NPAS2: variants seen among roughly 807,000 people sequenced by gnomAD.
NPAS2 encodes the protein neuronal PAS domain-containing protein 2.
Under a neutral mutation model 107.5 loss-of-function variants are expected in NPAS2, and 23 were observed. The ratio of observed to expected loss-of-function variants is 0.21; its 90% CI spans 0.15 to 0.30. The LOEUF (loss-of-function observed/expected upper bound fraction) is 0.30, where lower values mean the gene tolerates loss of function less well. Among genes scored for constraint, NPAS2 ranks in the 10% least tolerant of loss-of-function variants. The pLI is 1.00. For synonymous variants in NPAS2, 403 were observed against 417.5 expected, an observed-to-expected ratio of 0.97 and a Z score of 0.42; for missense variants, 756 against 1,043.3, an observed-to-expected ratio of 0.72 and a Z score of 3.79.
rs571935226 is a variant in NPAS2 at position 100,976,135 on chromosome 2, T to C, written c.1392+568T>C. On this transcript the variant is annotated intron_variant, in intron 14 of 20. Coordinates refer to ENST00000335681, the MANE Select transcript of NPAS2 (RefSeq NM_002518.4). This position sits in a 1 kb window ranked among gnomAD's most constrained non-coding sequence, Gnocchi z 4.1. Reference sequence around the variant, plus strand: ...ATGTATGAAGTTCATGGAGTCTGGGTCAGGAATTCAGAAAGGGCATCATGG... The same window carrying C: ...ATGTATGAAGTTCATGGAGTCTGGGCCAGGAATTCAGAAAGGGCATCATGG... 6.6e-6 allele frequency among the ~76,000 whole-genome samples: 1 copy of C among 151,784 alleles called. No homozygotes were observed. The highest frequency in any genetic ancestry group is 1.5e-5 in the Non-Finnish European group (1 of 67,950).
intron 1 of NPAS2, among the ~76,000 whole-genome samples, chr2:100,841,783 T>TAC (rs1300454465): frequency 6.6e-6 from 1 of 152,084 alleles, no homozygotes; most frequent in African/African-American, 2.4e-5. Context: ...CACATATGCA[T>TAC]ACACACACGC....
intron 1 of NPAS2, among the ~76,000 whole-genome samples, chr2:100,897,565 T>A (rs1681491494): frequency 6.6e-6 from 1 of 152,112 alleles, no homozygotes; most frequent in South Asian, 2.1e-4. Flanking sequence ...TTCCTTGCTG[T>A]CTGGGGGAGG....
chr2:100,974,988 AC>A, intron 13 of NPAS2, 44 bp downstream of exon 13: 1 of 1,604,858 alleles, frequency 6.2e-7, no homozygotes, highest in African/African-American at 1.3e-5. Flanking sequence ...TCCACATCAG[AC>A]CAGAGGGACA....
At chr2:100,852,415 A>G (rs894680154) in intron 1 of NPAS2, among the ~76,000 whole-genome samples, 9 of 152,064 alleles carry the variant, frequency 5.9e-5, no homozygotes, top group Admixed American at 5.2e-4. Flanking sequence ...TAAAAATAAA[A>G]ATAAAAAAAG....
chr2:100,908,353 C>T (rs1296438746), intron 2 of NPAS2, among the ~76,000 whole-genome samples: 1 of 152,114 alleles, frequency 6.6e-6, no homozygotes, highest in African/African-American at 2.4e-5. Context: ...AGTAATTCTC[C>T]AAGCCTTACA....
At chr2:100,852,568 A>G (rs1195083323) in intron 1 of NPAS2, among the ~76,000 whole-genome samples, 2 of 152,136 alleles carry the variant, frequency 1.3e-5, no homozygotes, top group East Asian at 3.9e-4. Flanking sequence ...CTAGCACAGC[A>G]TACCCCATTT....
intron 1 of NPAS2, among the ~76,000 whole-genome samples, chr2:100,879,460 T>C (rs1299886554): frequency 6.6e-6 from 1 of 152,180 alleles, no homozygotes; most frequent in East Asian, 1.9e-4. Context: ...ACCTGCTACT[T>C]TGTATCCTTT....
chr2:100,936,880 A>G (rs555946799), intron 4 of NPAS2, among the ~76,000 whole-genome samples: 10 of 150,654 alleles, frequency 6.6e-5, no homozygotes, highest in Middle Eastern at 3.5e-3. Context: ...TACTCGGGAC[A>G]CTGAAGCAGG....
At chr2:100,978,410 T>G (rs1677170927) in intron 15 of NPAS2, among the ~76,000 whole-genome samples, 1 of 152,080 alleles carries the variant, frequency 6.6e-6, no homozygotes, top group Non-Finnish European at 1.5e-5. Flanking sequence ...TCTTTACGAC[T>G]CCAAATTGGC....
At chr2:100,948,055 C>T (rs1675010076) in intron 5 of NPAS2, among the ~76,000 whole-genome samples, 180 bp from the exon 6 acceptor site, 1 of 152,202 alleles carries the variant, frequency 6.6e-6, no homozygotes, top group Admixed American at 6.5e-5. Context: ...CAAATACAGC[C>T]CTTTAGGTTA....
intron 5 of NPAS2, among the ~76,000 whole-genome samples, chr2:100,946,066 G>A (rs147878381): frequency 1.3e-5 from 2 of 152,346 alleles, no homozygotes; most frequent in African/African-American, 2.4e-5. Flanking sequence ...ACAGGAAAAC[G>A]TTACTGTGGT....
At chr2:100,906,040 T>C (rs1319445520) in intron 2 of NPAS2, among the ~76,000 whole-genome samples, 2 of 152,194 alleles carry the variant, frequency 1.3e-5, no homozygotes, top group African/African-American at 2.4e-5. Flanking sequence ...CAGAACAGCC[T>C]TCATCCCAGG....
At chr2:100,931,121 G>A (rs1018208218) in intron 3 of NPAS2, among the ~76,000 whole-genome samples, 1 of 152,174 alleles carries the variant, frequency 6.6e-6, no homozygotes, top group Non-Finnish European at 1.5e-5. Context: ...ACCTGCCTCT[G>A]CTTCCCATGC....
rs549895297 is a variant in NPAS2 at position 100,976,515 on chromosome 2, C to T, written c.1392+948C>T. Among the ~76,000 whole-genome samples the T allele has an allele frequency of 5.3e-5, 8 of 152,188 alleles. No homozygotes were observed. Among genetic ancestry groups the T allele is most frequent in the East Asian group, 1.9e-4 (1 of 5,160 alleles). On this transcript the variant is annotated intron_variant, in intron 14 of 20. Coordinates refer to ENST00000335681, the MANE Select transcript of NPAS2 (RefSeq NM_002518.4). This position sits in a 1 kb window ranked among gnomAD's most constrained non-coding sequence, Gnocchi z 4.1. Reference sequence around the variant, plus strand: ...AGGGATATAGACCTCCACTTCTAGACGGGAGAAGTACCCAGGAATTTTAGG... The same window carrying T: ...AGGGATATAGACCTCCACTTCTAGATGGGAGAAGTACCCAGGAATTTTAGG...
At chr2:100,981,964 G>T (rs188373237) in intron 15 of NPAS2, among the ~76,000 whole-genome samples, 6 of 152,332 alleles carry the variant, frequency 3.9e-5, no homozygotes, top group Admixed American at 3.9e-4. Context: ...CTCCCGGACT[G>T]CAGGGCAGTA....
intron 1 of NPAS2, among the ~76,000 whole-genome samples, chr2:100,854,918 G>C (rs533559364): frequency 5.9e-5 from 9 of 152,168 alleles, no homozygotes; most frequent in Admixed American, 2.0e-4. Flanking sequence ...TGTGAGATGT[G>C]CTGTCAGTGT....
intron 12 of NPAS2, 74 bp from the exon 13 acceptor site, chr2:100,974,729 T>C: frequency 6.6e-7 from 1 of 1,512,398 alleles, no homozygotes; most frequent in Non-Finnish European, 9.0e-7. Flanking sequence ...TCGACATATT[T>C]AGAACTAAAG....
chr2:100,821,431 C>T (rs559428933), intron 1 of NPAS2, among the ~76,000 whole-genome samples: 1 of 152,142 alleles, frequency 6.6e-6, no homozygotes, highest in South Asian at 2.1e-4. Flanking sequence ...GGCATCCACC[C>T]CAACTTCATT....
chr2:100,826,342 T>C (rs1676378318), intron 1 of NPAS2, among the ~76,000 whole-genome samples: 1 of 152,128 alleles, frequency 6.6e-6, no homozygotes, highest in Non-Finnish European at 1.5e-5. Context: ...CTCAGGAGGC[T>C]GAGGCAGGAG....
Sources: allele counts gnomAD v4.1 joint callset (sites outside exome capture counted in the v4.1 genomes callset), GRCh38; gene constraint gnomAD v4.1.1; non-coding constraint Gnocchi (gnomAD v3.1); transcripts MANE v1.5; gene names NCBI Gene and HGNC (gene_info 2026-07-23, HGNC 2026-07-21).